The following CUL5 variants were observed in gnomAD, a reference collection of about 807,000 sequenced individuals.
CUL5 encodes cullin-5.
CUL5 carries 26 observed loss-of-function variants against 108.8 expected under a neutral mutation model. The observed-to-expected ratio is 0.24, with a 90% CI of 0.18 to 0.33. CUL5 has a LOEUF of 0.33. Among genes scored for constraint, CUL5 ranks in the 10% least tolerant of loss-of-function variants. CUL5 has a pLI of 1.00. For synonymous variants in CUL5, 334 were observed against 298.0 expected (o/e 1.12, Z -1.25); for missense variants, 524 against 909.2 (o/e 0.58, Z 5.45).
Position 108,070,122 on chromosome 11 carries a change from G to A in CUL5, c.807G>A (p.Leu269=). 1.9e-6 allele frequency: 3 copies of A among 1,610,756 alleles called. No homozygotes were observed. The highest frequency in any genetic ancestry group is 2.5e-6 in the Non-Finnish European group (3 of 1,177,914). ...EALMECCVNA[L]VTSFKETILA... is the part of the protein sequence containing the mutation. ...TCATGGAATGCTGTGTAAATGCCCT[G>A]GTGACATCATTTAAAGAGACTATCT... The change falls in exon 8 of 19, where the codon CTG becomes CTA. Residue 269 remains leucine (L), a synonymous_variant. Coordinates refer to ENST00000393094, the MANE Select transcript of CUL5 (RefSeq NM_003478.6).
chr11:108,012,211 T>G (rs980321523), intron 1 of CUL5, among the ~76,000 whole-genome samples: 5 of 152,208 alleles, frequency 3.3e-5, no homozygotes, highest in African/African-American at 1.2e-4. Flanking sequence ...CATGTAATTG[T>G]GATTGTTCCT....
chr11:108,027,614 G>T (rs1370411783), intron 1 of CUL5, among the ~76,000 whole-genome samples: 3 of 151,624 alleles, frequency 2.0e-5, no homozygotes, highest in Middle Eastern at 3.2e-3. Flanking sequence ...TTTCCATGTT[G>T]CCCAGGCTGG....
chr11:108,042,982 C>T (rs529937299), intron 2 of CUL5, among the ~76,000 whole-genome samples: 1 of 152,238 alleles, frequency 6.6e-6, no homozygotes, highest in South Asian at 2.1e-4. Flanking sequence ...AGGTTGGTTG[C>T]GAACTCCTGG....
intron 18 of CUL5, among the ~76,000 whole-genome samples, chr11:108,103,969 C>G (rs1289989575): frequency 2.0e-5 from 3 of 152,040 alleles, no homozygotes; most frequent in Admixed American, 6.6e-5. Context: ...ATCCCCCCAC[C>G]CCAATAAGCA....
intron 2 of CUL5, among the ~76,000 whole-genome samples, 194 bp downstream of exon 2, chr11:108,034,105 C>T (rs566125103): frequency 2.0e-5 from 3 of 152,172 alleles, no homozygotes; most frequent in African/African-American, 2.4e-5. Context: ...AACATACAAT[C>T]ATACTCACAG....
chr11:108,093,841 G>T (rs914453337), intron 13 of CUL5, among the ~76,000 whole-genome samples: 5 of 152,102 alleles, frequency 3.3e-5, no homozygotes, highest in Non-Finnish European at 7.3e-5. Context: ...GGACTATCTC[G>T]GCAGTATGCC....
chr11:108,056,690 A>G (rs1372907565), intron 7 of CUL5, among the ~76,000 whole-genome samples: 1 of 152,178 alleles, frequency 6.6e-6, no homozygotes, highest in Non-Finnish European at 1.5e-5. Context: ...GACAGGAAAG[A>G]TGGAAGACTG....
At chr11:108,030,285 G>T (rs1316826877) in intron 1 of CUL5, among the ~76,000 whole-genome samples, 1 of 152,252 alleles carries the variant, frequency 6.6e-6, no homozygotes, top group Non-Finnish European at 1.5e-5. Flanking sequence ...GTTCAGGAGA[G>T]AAGCGTAGCT....
At chr11:108,033,968 C>A in intron 2 of CUL5, 57 bp downstream of exon 2, 1 of 1,003,438 alleles carries the variant, frequency 1.0e-6, no homozygotes, top group Non-Finnish European at 1.6e-6. Context: ...TGATGTCTTT[C>A]CATACCCAAA....
At chr11:108,022,587 C>A (rs111510920) in intron 1 of CUL5, among the ~76,000 whole-genome samples, 8 of 152,160 alleles carry the variant, frequency 5.3e-5, no homozygotes, top group African/African-American at 1.9e-4. Flanking sequence ...ATAACACTTA[C>A]CCCCAGCCCA....
At chr11:108,014,901 T>TA (rs1338450454) in intron 1 of CUL5, among the ~76,000 whole-genome samples, 5 of 150,574 alleles carry the variant, frequency 3.3e-5, no homozygotes, top group Non-Finnish European at 6.0e-5. Context: ...TTATTATTAT[T>TA]TTTATTTTTA....
At chr11:108,056,571 T>C (rs548593650) in intron 7 of CUL5, among the ~76,000 whole-genome samples, 1 of 152,206 alleles carries the variant, frequency 6.6e-6, no homozygotes, top group South Asian at 2.1e-4. Context: ...AAGTTCTTTA[T>C]AGTGATATAA....
At chr11:108,014,933 C>G (rs570878663) in intron 1 of CUL5, among the ~76,000 whole-genome samples, 7 of 152,296 alleles carry the variant, frequency 4.6e-5, no homozygotes, top group African/African-American at 1.2e-4. Context: ...GGGTCTCACT[C>G]TCTTGCCCAG....
At chr11:108,013,179 C>T (rs1435838576) in intron 1 of CUL5, among the ~76,000 whole-genome samples, 1 of 151,902 alleles carries the variant, frequency 6.6e-6, no homozygotes. Flanking sequence ...TATGACATTC[C>T]CTCCTTGGTC....
intron 18 of CUL5, among the ~76,000 whole-genome samples, chr11:108,099,029 G>T (rs1341971078): frequency 3.4e-5 from 4 of 117,236 alleles, no homozygotes; most frequent in African/African-American, 1.0e-4. Context: ...TTTTGAGACA[G>T]GGTCTCACTT....
intron 2 of CUL5, among the ~76,000 whole-genome samples, chr11:108,044,341 C>A (rs1863011409): frequency 6.6e-6 from 1 of 151,646 alleles, no homozygotes; most frequent in African/African-American, 2.4e-5. Context: ...CATAGGGAGA[C>A]CGTGTCTCTA....
intron 1 of CUL5, among the ~76,000 whole-genome samples, chr11:108,012,404 T>G (rs569192759): frequency 3.3e-5 from 5 of 152,166 alleles, no homozygotes; most frequent in Non-Finnish European, 5.9e-5. Context: ...ATACCAAACA[T>G]TTTTCTTGTT....
intron 18 of CUL5, among the ~76,000 whole-genome samples, chr11:108,102,337 A>G (rs776364950): frequency 1.4e-5 from 2 of 144,008 alleles, no homozygotes; most frequent in African/African-American, 5.2e-5. Flanking sequence ...CTATTTTTCT[A>G]TTCTTTTGAG....
chr11:108,036,689 G>A (rs1218996831), intron 2 of CUL5, among the ~76,000 whole-genome samples: 6 of 152,200 alleles, frequency 3.9e-5, no homozygotes, highest in African/African-American at 1.4e-4. Flanking sequence ...TGTTGGCCGG[G>A]ATGGTCTCGA....
Sources: allele counts gnomAD v4.1 joint callset (sites outside exome capture counted in the v4.1 genomes callset), GRCh38; gene constraint gnomAD v4.1.1; transcripts MANE v1.5; gene names NCBI Gene and HGNC (gene_info 2026-07-23, HGNC 2026-07-21).